The following PCDHGA7 variants were observed in gnomAD, a reference collection of about 807,000 sequenced individuals.
PCDHGA7 encodes the protein protocadherin gamma-A7.
Under a neutral mutation model 58.3 loss-of-function variants are expected in PCDHGA7, and 44 were observed. That is an observed-to-expected ratio of 0.75 (90% CI 0.59 to 0.97). The LOEUF (loss-of-function observed/expected upper bound fraction) is 0.97. Ranked by LOEUF, PCDHGA7 falls within the 50% of genes least tolerant of loss-of-function variation. The probability of loss-of-function intolerance (pLI) is 0.00; values close to 1 mark genes in which losing one functional copy is unlikely to be tolerated. For synonymous variants in PCDHGA7, 516 were observed against 504.2 expected (o/e 1.02, Z -0.31); for missense variants, 1,266 against 1,188.7 (o/e 1.06, Z -0.96).
chr5:141,492,487 C>T (rs1031047955), intron 1 of PCDHGA7, among the ~76,000 whole-genome samples: 1 of 152,222 alleles, frequency 6.6e-6, no homozygotes, highest in Non-Finnish European at 1.5e-5. Context: ...CGCCCAGGAC[C>T]AGGCGAGGAC....
intron 1 of PCDHGA7, among the ~76,000 whole-genome samples, chr5:141,465,116 C>A (rs2099097321): frequency 6.6e-6 from 1 of 150,972 alleles, no homozygotes; most frequent in Non-Finnish European, 1.5e-5. Context: ...AGTGTTTTAG[C>A]CTAAATTTGT....
intron 1 of PCDHGA7, 145 bp downstream of exon 1, chr5:141,385,468 A>G: frequency 1.4e-6 from 2 of 1,440,194 alleles, no homozygotes; most frequent in Non-Finnish European, 1.8e-6. Context: ...TTCAGTGGTG[A>G]CACTTTAATA....
chr5:141,391,331 G>A (rs75432065), intron 1 of PCDHGA7: 5 of 95,914 alleles, frequency 5.2e-5, no homozygotes, highest in Non-Finnish European at 6.3e-5. Context: ...TTTTTTTTTT[G>A]AGACAGAGTC....
chr5:141,421,910 C>G, intron 1 of PCDHGA7: 1 of 1,613,716 alleles, frequency 6.2e-7, no homozygotes, highest in Non-Finnish European at 8.5e-7. Flanking sequence ...GGCGCAGTTC[C>G]CATTCGTGTG....
At chr5:141,394,371 T>C (rs753598001) in intron 1 of PCDHGA7, 5 of 1,614,056 alleles carry the variant, frequency 3.1e-6, no homozygotes, top group Non-Finnish European at 4.2e-6. Context: ...GCTGCAATCT[T>C]TCGACTATGA....
At chr5:141,408,856 G>T in intron 1 of PCDHGA7, 1 of 1,613,518 alleles carries the variant, frequency 6.2e-7, no homozygotes, top group Non-Finnish European at 8.5e-7. Flanking sequence ...TGGACGGAGG[G>T]GACCCACCAA....
intron 1 of PCDHGA7, among the ~76,000 whole-genome samples, chr5:141,469,289 A>G (rs2154570270): frequency 6.6e-6 from 1 of 151,932 alleles, no homozygotes; most frequent in South Asian, 2.1e-4. Flanking sequence ...AAAATAAAAC[A>G]AAATAGACTG....
At chr5:141,419,114 A>G in intron 1 of PCDHGA7, 1 of 1,613,926 alleles carries the variant, frequency 6.2e-7, no homozygotes. Flanking sequence ...CCCAGAGTAC[A>G]ACGTCACCAT....
At chr5:141,411,423 CA>C (rs200531177) in intron 1 of PCDHGA7, 3 of 147,666 alleles carry the variant, frequency 2.0e-5, no homozygotes, top group Admixed American at 6.8e-5. Context: ...ACAACAACAA[CA>C]AAAAAAAACA....
At chr5:141,385,465 G>T in intron 1 of PCDHGA7, 142 bp downstream of exon 1, 1 of 1,441,910 alleles carries the variant, frequency 6.9e-7, no homozygotes, top group Non-Finnish European at 9.1e-7. Flanking sequence ...TCCTTCAGTG[G>T]TGACACTTTA....
At chr5:141,412,434 A>C (rs2095556498) in intron 1 of PCDHGA7, 1 of 152,240 alleles carries the variant, frequency 6.6e-6, no homozygotes, top group Admixed American at 6.5e-5. Flanking sequence ...CAAAAAGGTT[A>C]ATTAAGGCTC....
intron 1 of PCDHGA7, chr5:141,408,883 C>A: frequency 6.2e-7 from 1 of 1,613,462 alleles, no homozygotes; most frequent in Non-Finnish European, 8.5e-7. Flanking sequence ...CCACCGCTCA[C>A]ATAGAAATTT....
chr5:141,477,351 G>A lies in PCDHGA7; in HGVS notation c.2425-17456G>A. 6.2e-7 allele frequency: 1 copy of A among 1,614,126 alleles called. No homozygotes were observed. The highest frequency in any genetic ancestry group is 8.5e-7 in the Non-Finnish European group (1 of 1,180,018). On this transcript the variant is annotated intron_variant, in intron 1 of 3. Transcript: ENST00000518325. This position sits in a 1 kb window ranked among gnomAD's most constrained non-coding sequence, Gnocchi z 4.9. ...AAGAATTACTTCACTTTGAAAACCA[G>A]TGCAGACCTGGATCGGGAGACTGTG...
intron 1 of PCDHGA7, chr5:141,428,296 AT>A: frequency 1.4e-6 from 1 of 713,574 alleles, no homozygotes; most frequent in Non-Finnish European, 2.5e-6. Flanking sequence ...AAAGCTGCAG[AT>A]TTACCTGGTC....
At chr5:141,478,483 G>A in intron 1 of PCDHGA7, 13 of 1,613,548 alleles carry the variant, frequency 8.1e-6, no homozygotes, top group Non-Finnish European at 1.1e-5. Flanking sequence ...AGAACACGCT[G>A]CGGAGCTGTG....
At chr5:141,461,131 T>G (rs1372557827) in intron 1 of PCDHGA7, among the ~76,000 whole-genome samples, 1 of 152,094 alleles carries the variant, frequency 6.6e-6, no homozygotes, top group Non-Finnish European at 1.5e-5. Flanking sequence ...TATAATTACT[T>G]ATTTTCCTTT....
chr5:141,487,802 C>T lies in PCDHGA7; in HGVS notation c.2425-7005C>T, dbSNP rs765438219. The T allele has an allele frequency of 9.5e-6, 14 of 1,477,306 alleles. No individual in the cohort carries two copies. The South Asian group carries it at 1.7e-4, about 18-fold the overall frequency. 91.5% of individuals were successfully genotyped at this position (1,477,306 alleles called of 1,614,324 possible). A position where few individuals can be genotyped will look rare whatever the true frequency, so the allele number is the denominator to read the frequency against. ...TTTCGTGAATTAACCAGAGTTGTCACAGTTTAGCATTGGGGGCGGGTCATG... is the reference window on the plus strand; with the variant it reads ...TTTCGTGAATTAACCAGAGTTGTCATAGTTTAGCATTGGGGGCGGGTCATG... On this transcript the variant is annotated intron_variant, in intron 1 of 3. Transcript: ENST00000518325. The surrounding 1 kb of genome is among the most constrained non-coding windows in gnomAD (Gnocchi z 5.0).
rs200109598 is a variant in PCDHGA7 at position 141,388,741 on chromosome 5, A to C, written c.2424+3418A>C. ...ACTTTCTCTTTCAGTGAAGCTAGCC[A>C]GATCACCCAATTTGACCTGAACTCT... is the stretch of plus-strand genomic sequence containing the variant. On this transcript the variant is annotated intron_variant, in intron 1 of 3. Transcript: ENST00000518325. The C allele has an allele frequency of 1.3e-4, 203 of 1,613,906 alleles. No individual in the cohort carries two copies. The highest frequency in any genetic ancestry group is 1.7e-4 in the Non-Finnish European group (198 of 1,179,898).
At chr5:141,501,606 G>A (rs2099810134) in intron 2 of PCDHGA7, among the ~76,000 whole-genome samples, 1 of 152,012 alleles carries the variant, frequency 6.6e-6, no homozygotes, top group African/African-American at 2.4e-5. Flanking sequence ...AGTTCCAGCT[G>A]TGTGACTCTG....
Sources: gnomAD v4.1 joint callset for allele counts (sites outside exome capture counted in the v4.1 genomes callset) on GRCh38, gnomAD v4.1.1 for gene constraint, Gnocchi (gnomAD v3.1) non-coding constraint, MANE v1.5 for transcripts, NCBI Gene and HGNC (gene_info 2026-07-23, HGNC 2026-07-21) for gene names.